Variants in SMPD3 observed in about 807,000 individuals in gnomAD.
SMPD3 encodes nSMase-2.
SMPD3 carries 21 observed loss-of-function variants against 55.7 expected under a neutral mutation model. The observed-to-expected ratio is 0.38, with a 90% CI of 0.27 to 0.54. The LOEUF is 0.54. SMPD3 is among the 20% of genes least tolerant of loss of function. The probability of loss-of-function intolerance (pLI) is 0.80; values close to 1 mark genes in which losing one functional copy is unlikely to be tolerated. For synonymous variants in SMPD3, 457 were observed against 404.3 expected (o/e 1.13, Z -1.56); for missense variants, 842 against 899.6 (o/e 0.94, Z 0.82).
chr16:68,376,779 C>T (rs764675625), intron 2 of SMPD3, among the ~76,000 whole-genome samples: 4 of 152,152 alleles, frequency 2.6e-5, no homozygotes, highest in Middle Eastern at 3.2e-3. Flanking sequence ...GAGTCAGCCC[C>T]GACCTAGAAA....
At chr16:68,378,414 A>C (rs2089872018) in intron 2 of SMPD3, among the ~76,000 whole-genome samples, 1 of 152,184 alleles carries the variant, frequency 6.6e-6, no homozygotes, top group Non-Finnish European at 1.5e-5. Context: ...CGAAAGCCAC[A>C]TCCCAGGTAG....
chr16:68,364,837 G>A lies in SMPD3; in HGVS notation c.1469C>T (p.Thr490Ile). 18 of 1,613,882 alleles carry A rather than the reference G, an allele frequency of 1.1e-5. No individual in the cohort carries two copies. The highest frequency in any genetic ancestry group is 1.5e-5 in the Non-Finnish European group (18 of 1,180,026). The stretch of plus-strand genomic sequence containing the variant: ...GGGGTTGGCTGCGCTGGACGAGGAG[G>A]TAGATTTTCGGAAATCAGCCAGCCA... ...QDWLADFRKS[T>I]SSSSAANPEE... The change falls in exon 5 of 9, where the codon ACC (threonine) becomes ATC (isoleucine). Residue 490 changes from threonine to isoleucine, a missense_variant. Transcript: ENST00000219334.
intron 3 of SMPD3, among the ~76,000 whole-genome samples, chr16:68,366,219 G>A (rs1203147634): frequency 1.3e-5 from 2 of 152,236 alleles, no homozygotes; most frequent in African/African-American, 4.8e-5. Flanking sequence ...CAGCCCAAAC[G>A]TCACAGCCCA....
At chr16:68,379,923 G>T (rs576430552) in intron 2 of SMPD3, among the ~76,000 whole-genome samples, 1 of 152,384 alleles carries the variant, frequency 6.6e-6, no homozygotes, top group East Asian at 1.9e-4. Flanking sequence ...AGTGGTGCAC[G>T]TCCTAGAGGT....
At chr16:68,419,194 CG>C (rs763988058) in intron 1 of SMPD3, among the ~76,000 whole-genome samples, 1 of 152,080 alleles carries the variant, frequency 6.6e-6, no homozygotes, top group Non-Finnish European at 1.5e-5. Flanking sequence ...TTAGGAGGGT[CG>C]GGGGGTCTTG....
At chr16:68,376,593 T>C (rs1704819830) in intron 2 of SMPD3, among the ~76,000 whole-genome samples, 1 of 152,240 alleles carries the variant, frequency 6.6e-6, no homozygotes, top group Non-Finnish European at 1.5e-5. Context: ...TTGCGAATCC[T>C]GGTATGTAGC....
Position 68,392,571 on chromosome 16 carries a change from G to A in SMPD3, c.-268-5912C>T, listed in dbSNP as rs939747656. Among the ~76,000 whole-genome samples the A allele has an allele frequency of 3.9e-5, 6 of 152,122 alleles. No individual in the cohort carries two copies. The South Asian group carries it at 1.2e-3, about 32-fold the overall frequency. ...GATAACATTAGCGTTCTTATAAGAA[G>A]AGATGCCAGGCCAGGTGCAGTGGCT... On this transcript the variant is annotated intron_variant, in intron 1 of 8. Transcript: ENST00000219334.
chr16:68,396,510 A>G (rs1027892246), intron 1 of SMPD3, among the ~76,000 whole-genome samples: 22 of 150,930 alleles, frequency 1.5e-4, no homozygotes, highest in Admixed American at 1.3e-3. Context: ...TCCACCTGAC[A>G]CCCCTCCTCC....
At chr16:68,436,311 G>C (rs763029372) in intron 1 of SMPD3, among the ~76,000 whole-genome samples, 1 of 152,128 alleles carries the variant, frequency 6.6e-6, no homozygotes, top group Non-Finnish European at 1.5e-5. Flanking sequence ...TGTGACCCAG[G>C]TGCTACTGTC....
chr16:68,444,195 G>T (rs1488743137), intron 1 of SMPD3, among the ~76,000 whole-genome samples: 1 of 152,182 alleles, frequency 6.6e-6, no homozygotes, highest in Non-Finnish European at 1.5e-5. Flanking sequence ...TCTTGCTTCT[G>T]GTCCACACCC....
chr16:68,397,124 G>A (rs1336008689), intron 1 of SMPD3, among the ~76,000 whole-genome samples: 1 of 152,172 alleles, frequency 6.6e-6, no homozygotes, highest in Non-Finnish European at 1.5e-5. Context: ...GATTCTGTGA[G>A]CAAGACTTAT....
chr16:68,411,650 G>A (rs1720095319), intron 1 of SMPD3, among the ~76,000 whole-genome samples: 1 of 152,190 alleles, frequency 6.6e-6, no homozygotes, highest in Non-Finnish European at 1.5e-5. Context: ...AGCAGTGGGG[G>A]AACAGCAGCC....
At chr16:68,434,614 C>A (rs1265699016) in intron 1 of SMPD3, among the ~76,000 whole-genome samples, 1 of 152,112 alleles carries the variant, frequency 6.6e-6, no homozygotes, top group Non-Finnish European at 1.5e-5. Context: ...TCGTCATAAC[C>A]ATTCCAGGTG....
At chr16:68,418,080 C>CT (rs1374153150) in intron 1 of SMPD3, among the ~76,000 whole-genome samples, 1 of 152,132 alleles carries the variant, frequency 6.6e-6, no homozygotes, top group African/African-American at 2.4e-5. Context: ...AGAAAGTGCC[C>CT]TATCATGTTG....
At position 68,358,956 on chromosome 16, in the gene SMPD3, G is replaced by A. The variant is rs1346836623; in HGVS notation, c.*2250C>T. On this transcript the variant is annotated 3_prime_UTR_variant, in exon 9 of 9. Transcript: ENST00000219334. ...GCTGAGGGAGGTGTGCGGGGGCCTG[G>A]GGGCCGCACATCCTTACTCTGGACC... 2.0e-5 allele frequency: 3 copies of A among 152,746 alleles called. No individual in the cohort carries two copies. In the East Asian group the frequency reaches 5.7e-4, roughly 29 times the overall value. 9.5% of individuals were successfully genotyped at this position (152,746 alleles called of 1,614,324 possible).
chr16:68,361,896 C>A, intron 7 of SMPD3, 137 bp from the exon 8 acceptor site: 2 of 1,310,334 alleles, frequency 1.5e-6, no homozygotes, highest in African/African-American at 3.0e-5. Flanking sequence ...TAAGATCTCT[C>A]CCCTGCGGGT....
intron 5 of SMPD3, chr16:68,364,446 G>A (rs1490751813): frequency 1.2e-5 from 4 of 337,206 alleles, no homozygotes; most frequent in African/African-American, 2.1e-5. Flanking sequence ...CGAAGCAAGA[G>A]CGCGGCGCCC....
At chr16:68,378,262 G>C (rs2089868332) in intron 2 of SMPD3, among the ~76,000 whole-genome samples, 1 of 152,230 alleles carries the variant, frequency 6.6e-6, no homozygotes, top group Non-Finnish European at 1.5e-5. Context: ...ATTTCTGCCT[G>C]GATGCATGCT....
chr16:68,387,902 A>G (rs1277618883), intron 1 of SMPD3, among the ~76,000 whole-genome samples: 1 of 152,234 alleles, frequency 6.6e-6, no homozygotes, highest in African/African-American at 2.4e-5. Flanking sequence ...TGCTGGCAGG[A>G]GCGCCTCCTC....
Sources: gnomAD v4.1 joint callset for allele counts (sites outside exome capture counted in the v4.1 genomes callset) on GRCh38, gnomAD v4.1.1 for gene constraint, MANE v1.5 for transcripts, NCBI Gene and HGNC (gene_info 2026-07-23, HGNC 2026-07-21) for gene names.